Variants in KAZN observed in about 807,000 individuals in gnomAD.
KAZN encodes kazrin.
KAZN carries 40 observed loss-of-function variants against 87.4 expected under a neutral mutation model. The observed-to-expected ratio is 0.46, with a 90% CI of 0.36 to 0.60. The LOEUF (loss-of-function observed/expected upper bound fraction) is 0.60, where lower values mean the gene tolerates loss of function less well. Among genes scored for constraint, KAZN ranks in the 20% least tolerant of loss-of-function variants. The pLI, the probability that KAZN is intolerant of heterozygous loss-of-function variation, is 0.00. For missense variants in KAZN, 898 were observed against 1,073.9 expected (o/e 0.84, Z 2.29); for synonymous variants, 466 against 458.3 (o/e 1.02, Z -0.22).
intron 1 of KAZN, among the ~76,000 whole-genome samples, chr1:14,130,283 A>G (rs1314533807): frequency 2.0e-5 from 3 of 152,168 alleles, no homozygotes; most frequent in Non-Finnish European, 4.4e-5. Flanking sequence ...CCATCCAGCC[A>G]TCAGTGGGGA....
At chr1:15,109,781 ATGTG>A (rs1240651279) in intron 13 of KAZN, among the ~76,000 whole-genome samples, 5 of 86,962 alleles carry the variant, frequency 5.7e-5, no homozygotes, top group Non-Finnish European at 1.1e-4. Context: ...CTGTGTATAT[ATGTG>A]TTTGTGTGTA....
chr1:14,347,469 G>T (rs532827810), intron 2 of KAZN, among the ~76,000 whole-genome samples: 1 of 152,212 alleles, frequency 6.6e-6, no homozygotes, highest in Admixed American at 6.5e-5. Context: ...ATCCACCCGG[G>T]TCCCCAGCCT....
intron 2 of KAZN, among the ~76,000 whole-genome samples, chr1:14,211,126 G>A (rs1646844559): frequency 6.6e-6 from 1 of 152,124 alleles, no homozygotes; most frequent in Admixed American, 6.5e-5. Context: ...CTCACTGAAG[G>A]CACTCATACA....
At chr1:14,445,088 T>C (rs1571665280) in intron 2 of KAZN, among the ~76,000 whole-genome samples, 2 of 150,656 alleles carry the variant, frequency 1.3e-5, no homozygotes, top group African/African-American at 4.9e-5. Flanking sequence ...TGCAGTGGCG[T>C]GATTTTGGTT....
intron 1 of KAZN, among the ~76,000 whole-genome samples, chr1:14,848,395 T>C (rs1173395969): frequency 6.6e-6 from 1 of 152,140 alleles, no homozygotes; most frequent in African/African-American, 2.4e-5. Context: ...ATCTGTAAAA[T>C]GGGTGCAGTG....
At chr1:14,823,006 C>G (rs1456219289) in intron 1 of KAZN, among the ~76,000 whole-genome samples, 1 of 152,022 alleles carries the variant, frequency 6.6e-6, no homozygotes, top group African/African-American at 2.4e-5. Flanking sequence ...GGGGGGCTTC[C>G]CAAAGAAAAT....
chr1:14,106,988 C>A (rs1644389334), intron 1 of KAZN, among the ~76,000 whole-genome samples: 1 of 106,356 alleles, frequency 9.4e-6, no homozygotes, highest in Non-Finnish European at 2.0e-5. Flanking sequence ...TTCTCTCCCT[C>A]CCTCCCTCCC....
At chr1:14,259,135 G>A (rs1036008790) in intron 2 of KAZN, among the ~76,000 whole-genome samples, 2 of 151,946 alleles carry the variant, frequency 1.3e-5, no homozygotes, top group African/African-American at 2.4e-5. Context: ...GCTTGGAGAT[G>A]AGTGAAAGGT....
At chr1:14,141,324 A>C (rs1360537800) in intron 1 of KAZN, among the ~76,000 whole-genome samples, 1 of 151,396 alleles carries the variant, frequency 6.6e-6, no homozygotes, top group East Asian at 1.9e-4. Context: ...ACCTGGCCGC[A>C]GAAGCTATGT....
At chr1:14,327,645 T>C (rs532259983) in intron 2 of KAZN, among the ~76,000 whole-genome samples, 1 of 152,322 alleles carries the variant, frequency 6.6e-6, no homozygotes, top group South Asian at 2.1e-4. Context: ...CAATAAAGAT[T>C]TGGTGAATTA....
intron 1 of KAZN, among the ~76,000 whole-genome samples, chr1:14,719,669 T>A (rs1048158752): frequency 6.6e-6 from 1 of 152,142 alleles, no homozygotes; most frequent in Admixed American, 6.5e-5. Flanking sequence ...TGAAACTTTG[T>A]CTCTACTAAA....
At chr1:15,090,777 C>T (rs1396951142) in intron 8 of KAZN, among the ~76,000 whole-genome samples, 3 of 152,246 alleles carry the variant, frequency 2.0e-5, no homozygotes, top group Non-Finnish European at 2.9e-5. Flanking sequence ...ACACTCACCC[C>T]CGCTGAGTCC....
intron 2 of KAZN, among the ~76,000 whole-genome samples, chr1:14,439,382 A>G (rs377194749): frequency 1.0e-3 from 153 of 152,212 alleles, no homozygotes; most frequent in African/African-American, 3.1e-3. Context: ...TTGCTTTGAA[A>G]ACTATAACTG....
intron 2 of KAZN, among the ~76,000 whole-genome samples, chr1:14,416,908 A>T (rs2101247563): frequency 6.6e-6 from 1 of 151,982 alleles, no homozygotes; most frequent in Middle Eastern, 3.4e-3. Flanking sequence ...TGGGCAACAT[A>T]ACGAAACCCT....
At chr1:14,200,443 T>A (rs565012057) in intron 2 of KAZN, among the ~76,000 whole-genome samples, 1 of 152,164 alleles carries the variant, frequency 6.6e-6, no homozygotes, top group African/African-American at 2.4e-5. Flanking sequence ...TGGAAAAAAA[T>A]TTTAAAAACA....
At chr1:14,115,796 A>G (rs532978243) in intron 1 of KAZN, among the ~76,000 whole-genome samples, 139 of 152,312 alleles carry the variant, frequency 9.1e-4, no homozygotes, top group Non-Finnish European at 1.7e-3. Flanking sequence ...GACTTGTTGA[A>G]TAGCTTTGCC....
At chr1:14,781,005 C>T (rs570111459) in intron 1 of KAZN, among the ~76,000 whole-genome samples, 10 of 152,236 alleles carry the variant, frequency 6.6e-5, no homozygotes, top group African/African-American at 2.4e-4. Context: ...ACACTGAAGG[C>T]ACCGAGAGTA....
At position 14,296,986 on chromosome 1, in the gene KAZN, G is replaced by A. The variant is rs146879342; in HGVS notation, c.249+116394G>A. Among the ~76,000 whole-genome samples the A allele has an allele frequency of 7.2e-5, 11 of 152,232 alleles. No homozygotes were observed. The East Asian group carries it at 2.1e-3, about 29-fold the overall frequency. ...AGCACAGTTCTCTGTGTATATTTGTGTGCATATGTGCATGTGTGTGTGTGT... is the reference window on the plus strand; with the variant it reads ...AGCACAGTTCTCTGTGTATATTTGTATGCATATGTGCATGTGTGTGTGTGT... On this transcript the variant is annotated intron_variant, in intron 2 of 16. Coordinates refer to the KAZN transcript ENST00000636203.
intron 1 of KAZN, among the ~76,000 whole-genome samples, chr1:14,722,449 T>G (rs1282323462): frequency 6.6e-6 from 1 of 152,192 alleles, no homozygotes; most frequent in African/African-American, 2.4e-5. Context: ...AGAACATCAT[T>G]CAGGGTCAAG....
Sources: gnomAD v4.1 joint callset for allele counts (sites outside exome capture counted in the v4.1 genomes callset) on GRCh38, gnomAD v4.1.1 for gene constraint, MANE v1.5 for transcripts, NCBI Gene and HGNC (gene_info 2026-07-23, HGNC 2026-07-21) for gene names.